WDSUB1: variants seen among roughly 807,000 people sequenced by gnomAD.
The protein encoded by WDSUB1 is WD repeat, sterile alpha motif and U-box domain containing 1, also known as WD repeat, SAM and U-box domain-containing protein 1.
Under a neutral mutation model 53.9 loss-of-function variants are expected in WDSUB1, and 49 were observed. The ratio of observed to expected loss-of-function variants is 0.91; its 90% CI spans 0.72 to 1.15. The LOEUF (loss-of-function observed/expected upper bound fraction) is 1.15. WDSUB1 is among the 50% of genes most tolerant of loss of function. The pLI is 0.00. For missense variants in WDSUB1, 514 were observed against 562.0 expected, an observed-to-expected ratio of 0.91 and a Z score of 0.86; for synonymous variants, 194 against 200.6, an observed-to-expected ratio of 0.97 and a Z score of 0.28.
Position 159,271,894 on chromosome 2 carries a change from T to G in WDSUB1, c.677-99A>C. The G allele has an allele frequency of 6.1e-6, 6 of 981,916 alleles. No homozygotes were observed. In the South Asian group the frequency reaches 9.5e-5, roughly 16 times the overall value. The allele number at this position is 981,916 out of a possible 1,614,324, so 60.8% of individuals were successfully genotyped here. A position where few individuals can be genotyped will look rare whatever the true frequency, so the allele number is the denominator to read the frequency against. ...ACTTATTTATTTAACAAATAATCTT[T>G]GAGTGCCTAAAGGACACAAAAATTA... On this transcript the variant is annotated intron_variant, in intron 4 of 10. Coordinates refer to ENST00000359774, the MANE Select transcript of WDSUB1 (RefSeq NM_001128212.3).
intron 9 of WDSUB1, among the ~76,000 whole-genome samples, chr2:159,250,350 C>G (rs1237285209): frequency 6.6e-6 from 1 of 152,134 alleles, no homozygotes; most frequent in Non-Finnish European, 1.5e-5. Flanking sequence ...TCAATGATTT[C>G]TTTACATGTT....
chr2:159,240,963 G>A (rs1341786501), intron 10 of WDSUB1, among the ~76,000 whole-genome samples: 2 of 152,340 alleles, frequency 1.3e-5, no homozygotes, highest in African/African-American at 2.4e-5. Context: ...TGCAGGGGAT[G>A]AGAATGGCTG....
intron 6 of WDSUB1, among the ~76,000 whole-genome samples, chr2:159,258,728 T>G (rs1351986630): frequency 6.6e-6 from 1 of 152,214 alleles, no homozygotes; most frequent in Non-Finnish European, 1.5e-5. Context: ...TAGGTGTATT[T>G]AAGTGGGACT....
chr2:159,242,548 G>GCTACT (rs1421956683), intron 10 of WDSUB1, among the ~76,000 whole-genome samples: 2 of 147,438 alleles, frequency 1.4e-5, no homozygotes, highest in Non-Finnish European at 2.9e-5. Context: ...TGTAATCCCA[G>GCTACT]CTACTCTGAG....
intron 1 of WDSUB1, among the ~76,000 whole-genome samples, chr2:159,283,446 C>A (rs1169994331): frequency 2.6e-5 from 4 of 152,154 alleles, no homozygotes; most frequent in Non-Finnish European, 4.4e-5. Context: ...GTGGCACATG[C>A]CTGTAGTTTC....
chr2:159,246,305 G>A (rs1271882889), intron 10 of WDSUB1, among the ~76,000 whole-genome samples: 2 of 151,912 alleles, frequency 1.3e-5, no homozygotes, highest in African/African-American at 2.4e-5. Flanking sequence ...GGTGGTGGGT[G>A]CCTGTAGTCC....
intron 1 of WDSUB1, among the ~76,000 whole-genome samples, 173 bp from the exon 2 acceptor site, chr2:159,283,266 AAT>A: frequency 6.6e-6 from 1 of 152,324 alleles, no homozygotes; most frequent in South Asian, 2.1e-4. Flanking sequence ...CATGGAAGAC[AAT>A]TATTCCCTGG....
At position 159,236,739 on chromosome 2, in the gene WDSUB1, G is replaced by C. The variant is rs117380430; in HGVS notation, c.1274-549C>G. On this transcript the variant is annotated intron_variant, in intron 10 of 10. Coordinates refer to ENST00000359774, the MANE Select transcript of WDSUB1 (RefSeq NM_001128212.3). The stretch of plus-strand genomic sequence containing the variant: ...CTGGCGAGATCTTGGCTCACTGCAA[G>C]CTCCACCTCCCAAGTAGCTGGGATC... 4.6e-4 allele frequency among the ~76,000 whole-genome samples: 70 copies of C among 152,192 alleles called. No individual in the cohort carries two copies. In the East Asian group the frequency reaches 0.011, roughly 24 times the overall value.
intron 5 of WDSUB1, among the ~76,000 whole-genome samples, chr2:159,269,841 A>C (rs2061413743): frequency 6.6e-6 from 1 of 152,224 alleles, no homozygotes; most frequent in Admixed American, 6.5e-5. Flanking sequence ...AATAACAACA[A>C]AACTCTTACA....
chr2:159,285,473 A>G (rs2061771856), intron 1 of WDSUB1, among the ~76,000 whole-genome samples: 1 of 152,166 alleles, frequency 6.6e-6, no homozygotes, highest in African/African-American at 2.4e-5. Flanking sequence ...TGGGAGGCCG[A>G]GATGGGTGGA....
intron 10 of WDSUB1, among the ~76,000 whole-genome samples, chr2:159,245,248 C>T (rs147405594): frequency 6.6e-5 from 10 of 152,196 alleles, no homozygotes; most frequent in Admixed American, 2.6e-4. Flanking sequence ...ATAAAGCAGC[C>T]GGACACCGTG....
At position 159,240,547 on chromosome 2, in the gene WDSUB1, T is replaced by C. The variant is rs1364949076; in HGVS notation, c.1274-4357A>G. 2.0e-5 allele frequency among the ~76,000 whole-genome samples: 3 copies of C among 152,236 alleles called. No individual in the cohort carries two copies. In the East Asian group the frequency reaches 5.8e-4, roughly 29 times the overall value. On this transcript the variant is annotated intron_variant, in intron 10 of 10. Transcript: ENST00000359774. ...ATGACATGGTTTTGATTGGCATTAATGACACTGACCGTCTTTTGAAGTGCT... is the reference window on the plus strand; with the variant it reads ...ATGACATGGTTTTGATTGGCATTAACGACACTGACCGTCTTTTGAAGTGCT...
chr2:159,279,703 T>C lies in WDSUB1; in HGVS notation c.583+58A>G, dbSNP rs13399245. ...AAAAGAATAAAAGAATGAAAAGTCA[T>C]ATACAGCACAAATTACAAATAGGAA... On this transcript the variant is annotated intron_variant, in intron 3 of 10. Transcript: ENST00000359774. The C allele has an allele frequency of 0.071, 104,662 of 1,477,232 alleles. 8,965 individuals carry two copies. The highest frequency in any genetic ancestry group is 0.39 in the African/African-American group (27,739 of 70,734). The allele number at this position is 1,477,232 out of a possible 1,614,324, so 91.5% of individuals were successfully genotyped here.
At chr2:159,251,387 CAG>C (rs1442861937) in intron 9 of WDSUB1, among the ~76,000 whole-genome samples, 1 of 152,120 alleles carries the variant, frequency 6.6e-6, no homozygotes, top group Non-Finnish European at 1.5e-5. Flanking sequence ...GTATTTATAA[CAG>C]AGAACACAGA....
chr2:159,237,807 C>CTGTA (rs1553624819), intron 10 of WDSUB1, among the ~76,000 whole-genome samples: 5 of 152,216 alleles, frequency 3.3e-5, no homozygotes, highest in Non-Finnish European at 7.3e-5. Context: ...ACAAATAGTG[C>CTGTA]CGTACCAAGG....
intron 5 of WDSUB1, among the ~76,000 whole-genome samples, chr2:159,266,415 C>T (rs1031350612): frequency 1.3e-5 from 2 of 152,170 alleles, no homozygotes; most frequent in Admixed American, 6.5e-5. Flanking sequence ...GTCTTGATCT[C>T]CTGACCTCAT....
chr2:159,280,708 A>AAAAAAAAAAAAAAAAAAAAAAAAC (rs111752652), intron 2 of WDSUB1, among the ~76,000 whole-genome samples: 12 of 134,356 alleles, frequency 8.9e-5, no homozygotes, highest in African/African-American at 2.4e-4. Flanking sequence ...AAAAAAAAAA[A>AAAAAAAAAAAAAAAAAAAAAAAAC]ATTACCCAGA....
chr2:159,271,228 C>T (rs544596301), intron 5 of WDSUB1, among the ~76,000 whole-genome samples: 17 of 152,010 alleles, frequency 1.1e-4, no homozygotes, highest in Non-Finnish European at 2.1e-4. Context: ...AATGCATGAA[C>T]ATGTACACCA....
At chr2:159,262,771 A>G (rs147499885) in intron 5 of WDSUB1, among the ~76,000 whole-genome samples, 4 of 152,216 alleles carry the variant, frequency 2.6e-5, no homozygotes, top group African/African-American at 9.6e-5. Context: ...ACATAGACAC[A>G]AAATAGTTTG....
Sources: gnomAD v4.1 joint callset for allele counts (sites outside exome capture counted in the v4.1 genomes callset) on GRCh38, gnomAD v4.1.1 for gene constraint, MANE v1.5 for transcripts, NCBI Gene and HGNC (gene_info 2026-07-23, HGNC 2026-07-21) for gene names.